Variants in ELP4 observed in about 807,000 individuals in gnomAD.
The protein encoded by ELP4 is elongator complex protein 4.
A neutral mutation model predicts 48.9 loss-of-function variants in ELP4; 51 were observed. The ratio of observed to expected loss-of-function variants is 1.04; its 90% CI spans 0.83 to 1.32. ELP4 has a LOEUF of 1.32. Ranked by LOEUF, ELP4 falls within the 40% of genes most tolerant of loss-of-function variation. ELP4 has a pLI of 0.00. For synonymous variants in ELP4, 210 were observed against 189.2 expected, an observed-to-expected ratio of 1.11 and a Z score of -0.90; for missense variants, 519 against 514.6, an observed-to-expected ratio of 1.01 and a Z score of -0.08.
intron 9 of ELP4, chr11:31,652,147 G>A (rs901936553): frequency 6.6e-6 from 1 of 151,602 alleles, no homozygotes. Flanking sequence ...CAAATAGACT[G>A]TTGTTTCTTA....
intron 5 of ELP4, among the ~76,000 whole-genome samples, chr11:31,616,486 A>G (rs538778649): frequency 3.3e-5 from 5 of 152,228 alleles, no homozygotes; most frequent in Admixed American, 6.6e-5. Flanking sequence ...AAGAAAACAT[A>G]GGGGAAACAT....
intron 9 of ELP4, among the ~76,000 whole-genome samples, chr11:31,666,404 C>G (rs1279074633): frequency 6.6e-6 from 1 of 151,962 alleles, no homozygotes; most frequent in Non-Finnish European, 1.5e-5. Context: ...ATAAAGATTC[C>G]TTTTGTAGGC....
chr11:31,544,523 A>G (rs1433748818), intron 3 of ELP4, among the ~76,000 whole-genome samples: 2 of 152,250 alleles, frequency 1.3e-5, no homozygotes, highest in African/African-American at 4.8e-5. Flanking sequence ...GGAGACCACC[A>G]CAGCTCAAGG....
At chr11:31,767,240 C>G (rs976518067) in intron 9 of ELP4, 2 of 152,166 alleles carry the variant, frequency 1.3e-5, no homozygotes, top group African/African-American at 4.8e-5. Flanking sequence ...CCTGCAGACC[C>G]TGGATGAAAT....
At chr11:31,653,514 G>C (rs904196072) in intron 9 of ELP4, 1 of 151,534 alleles carries the variant, frequency 6.6e-6, no homozygotes, top group Non-Finnish European at 1.5e-5. Flanking sequence ...TTTATATAGT[G>C]ATTAAATATT....
Position 31,719,183 on chromosome 11 carries a change from G to A in ELP4, c.1144-64210G>A, listed in dbSNP as rs147147495. ...GCTGAGGGGAGGATCTCTTGAGCCCGAGAGGTTGAGACTGCAGTGAGGCAT... is the reference window on the plus strand; with the variant it reads ...GCTGAGGGGAGGATCTCTTGAGCCCAAGAGGTTGAGACTGCAGTGAGGCAT... On this transcript the variant is annotated intron_variant, in intron 9 of 9. Transcript: ENST00000640961. Among the ~76,000 whole-genome samples, 71 of 151,842 alleles carry A rather than the reference G, an allele frequency of 4.7e-4. 1 individual carries two copies. Among genetic ancestry groups the A allele is most frequent in the African/African-American group, 1.2e-3 (51 of 41,396 alleles).
At chr11:31,647,682 T>G in intron 7 of ELP4, 59 bp from the exon 8 acceptor site, 1 of 1,020,202 alleles carries the variant, frequency 9.8e-7, no homozygotes, top group Non-Finnish European at 1.5e-6. Flanking sequence ...GGATATTTTA[T>G]AGATATTATA....
At chr11:31,750,076 G>C (rs1323651051) in intron 9 of ELP4, among the ~76,000 whole-genome samples, 1 of 151,746 alleles carries the variant, frequency 6.6e-6, no homozygotes, top group African/African-American at 2.4e-5. Context: ...GTGTTAGCCA[G>C]GATGGTCTCA....
At position 31,660,952 on chromosome 11, in the gene ELP4, A is replaced by G. The variant is rs553061155; in HGVS notation, c.1143+10731A>G. Among the ~76,000 whole-genome samples, 40 of 152,246 alleles carry G rather than the reference A, an allele frequency of 2.6e-4. No individual in the cohort carries two copies. In the South Asian group the frequency reaches 7.5e-3, roughly 28 times the overall value. ...GAATTAATAATGATCTGTACTAAAT[A>G]CAAAGAAAATATTTTCTTTCAACAA... On this transcript the variant is annotated intron_variant, in intron 9 of 9. Coordinates refer to ENST00000640961, the MANE Select transcript of ELP4 (RefSeq NM_019040.5).
intron 9 of ELP4, among the ~76,000 whole-genome samples, chr11:31,738,629 G>A (rs1488896686): frequency 2.6e-5 from 4 of 151,992 alleles, no homozygotes; most frequent in Non-Finnish European, 5.9e-5. Context: ...TCAGCGCCGG[G>A]GGAGGTGGAG....
intron 3 of ELP4, among the ~76,000 whole-genome samples, chr11:31,556,175 C>T (rs1298185205): frequency 1.3e-5 from 2 of 151,772 alleles, no homozygotes; most frequent in Admixed American, 6.6e-5. Flanking sequence ...AGTCAAAGCT[C>T]CTTTAGGAAG....
intron 9 of ELP4, among the ~76,000 whole-genome samples, chr11:31,684,766 C>T (rs1457121066): frequency 6.6e-6 from 1 of 152,046 alleles, no homozygotes; most frequent in Non-Finnish European, 1.5e-5. Context: ...AAATCTTGAC[C>T]CCTTCTTCAC....
intron 9 of ELP4, among the ~76,000 whole-genome samples, chr11:31,661,289 C>A (rs1370120625): frequency 6.6e-6 from 1 of 151,914 alleles, no homozygotes; most frequent in Non-Finnish European, 1.5e-5. Context: ...CTTTAAAAAC[C>A]TGTAGGACTG....
intron 7 of ELP4, among the ~76,000 whole-genome samples, chr11:31,635,509 G>C (rs1260176855): frequency 6.6e-6 from 1 of 151,882 alleles, no homozygotes; most frequent in African/African-American, 2.4e-5. Context: ...CTAGATACTA[G>C]AGTCAAAATT....
chr11:31,573,811 T>G (rs1454876377), intron 3 of ELP4, among the ~76,000 whole-genome samples: 1 of 150,968 alleles, frequency 6.6e-6, no homozygotes, highest in African/African-American at 2.4e-5. Flanking sequence ...TTTCTCCAAC[T>G]ACCATCTCAT....
intron 3 of ELP4, among the ~76,000 whole-genome samples, chr11:31,589,140 A>C (rs560485973): frequency 1.1e-4 from 16 of 152,222 alleles, no homozygotes; most frequent in Non-Finnish European, 2.4e-4. Context: ...AATTCCCTTG[A>C]GAATAACACA....
intron 3 of ELP4, among the ~76,000 whole-genome samples, chr11:31,592,354 G>A (rs940388983): frequency 2.6e-5 from 4 of 151,894 alleles, no homozygotes; most frequent in Admixed American, 1.3e-4. Flanking sequence ...CACCAGCCTG[G>A]GCAACATAGT....
At chr11:31,665,979 T>G (rs1945664776) in intron 9 of ELP4, among the ~76,000 whole-genome samples, 1 of 150,690 alleles carries the variant, frequency 6.6e-6, no homozygotes, top group African/African-American at 2.4e-5. Flanking sequence ...TAACATAAAA[T>G]GTTTTTCAAA....
chr11:31,539,075 C>T (rs1385159026), intron 2 of ELP4, among the ~76,000 whole-genome samples: 3 of 151,912 alleles, frequency 2.0e-5, no homozygotes, highest in African/African-American at 7.3e-5. Context: ...TTCCCTATAC[C>T]TGAAGTGTGT....
Sources: gnomAD v4.1 joint callset for allele counts (sites outside exome capture counted in the v4.1 genomes callset) on GRCh38, gnomAD v4.1.1 for gene constraint, MANE v1.5 for transcripts, NCBI Gene and HGNC (gene_info 2026-07-23, HGNC 2026-07-21) for gene names.